The following RNF144A variants were observed in gnomAD, a reference collection of about 807,000 sequenced individuals.
The protein encoded by RNF144A is ring finger protein 144A.
In RNF144A, 11 loss-of-function variants were observed where a neutral mutation model predicts 38.7. That is an observed-to-expected ratio of 0.28 (90% CI 0.18 to 0.47). The LOEUF is 0.47. Ranked by LOEUF, RNF144A falls within the 20% of genes least tolerant of loss-of-function variation. RNF144A has a pLI of 0.99. For missense variants in RNF144A, 316 were observed against 377.2 expected (o/e 0.84, Z 1.34); for synonymous variants, 149 against 143.9 (o/e 1.04, Z -0.25).
intron 7 of RNF144A, among the ~76,000 whole-genome samples, chr2:7,027,009 T>C (rs1671947028): frequency 6.6e-6 from 1 of 152,120 alleles, no homozygotes. Flanking sequence ...CCAAAGACAT[T>C]AACAGTGATT....
rs915633630 is a variant in RNF144A at position 7,021,485 on chromosome 2, C to T, written c.509+805C>T. Among the ~76,000 whole-genome samples the T allele has an allele frequency of 2.0e-5, 3 of 152,216 alleles. No individual in the cohort carries two copies. In the East Asian group the frequency reaches 5.8e-4, roughly 29 times the overall value. ...CTCTCAGGGTCCCTGCCACACACCC[C>T]TGGTCTCCTTCCGGGCGAACCTCTC... On this transcript the variant is annotated intron_variant, in intron 6 of 8. Transcript: ENST00000320892.
At chr2:7,052,919 A>C (rs1319869072) in intron 6 of RNF144A, among the ~76,000 whole-genome samples, 2 of 152,128 alleles carry the variant, frequency 1.3e-5, no homozygotes, top group African/African-American at 2.4e-5. Flanking sequence ...TTCGCTTTAC[A>C]ATATTTATTT....
chr2:7,035,236 T>A (rs562334226), intron 8 of RNF144A, among the ~76,000 whole-genome samples: 1 of 152,318 alleles, frequency 6.6e-6, no homozygotes, highest in South Asian at 2.1e-4. Flanking sequence ...CTCCAGCTCC[T>A]GCTTCTCCCG....
intron 2 of RNF144A, among the ~76,000 whole-genome samples, chr2:6,950,228 A>G (rs929176565): frequency 6.6e-6 from 1 of 152,148 alleles, no homozygotes; most frequent in African/African-American, 2.4e-5. Context: ...TGAGCTACCT[A>G]CTAATCTTTC....
chr2:7,009,800 C>G (rs112589399), intron 3 of RNF144A, among the ~76,000 whole-genome samples: 61 of 152,292 alleles, frequency 4.0e-4, no homozygotes, highest in African/African-American at 1.3e-3. Flanking sequence ...TGCTGAGGAC[C>G]CGGCTTGTAT....
At chr2:7,029,913 T>C (rs1672166211) in intron 7 of RNF144A, among the ~76,000 whole-genome samples, 1 of 152,238 alleles carries the variant, frequency 6.6e-6, no homozygotes, top group Non-Finnish European at 1.5e-5. Flanking sequence ...TGTCCAGGGC[T>C]GCTAGGTGAT....
At chr2:7,044,451 C>G (rs888285229), downstream of RNF144A, among the ~76,000 whole-genome samples, 1 of 152,206 alleles carries the variant, frequency 6.6e-6, no homozygotes, top group Admixed American at 6.5e-5. Flanking sequence ...ACCCGTCCAG[C>G]CATTCCTGGC....
In RNF144A at chr2:6,962,665, A is replaced by G. The variant is rs1045567371; in HGVS notation, c.-12+21518A>G. Among the ~76,000 whole-genome samples the G allele has an allele frequency of 6.6e-6, 1 of 152,212 alleles. No homozygotes were observed. The highest frequency in any genetic ancestry group is 1.5e-5 in the Non-Finnish European group (1 of 68,036). On this transcript the variant is annotated intron_variant, in intron 2 of 8. Transcript: ENST00000320892. The surrounding 1 kb of genome is among the most constrained non-coding windows in gnomAD (Gnocchi z 4.1). ...AATAAGGAAAACTTCTAACACTTAG[A>G]CAAGAAAATTAATAAAACATTAGTT...
intron 7 of RNF144A, among the ~76,000 whole-genome samples, chr2:7,027,504 A>G (rs72783710): frequency 0.028 from 4,202 of 152,332 alleles, 81 homozygotes; most frequent in Middle Eastern, 0.082. Context: ...GAGGAAGGGA[A>G]TCAGCCATCA....
chr2:6,956,853 T>C (rs1667035903), intron 2 of RNF144A, among the ~76,000 whole-genome samples: 2 of 152,228 alleles, frequency 1.3e-5, no homozygotes, highest in Admixed American at 1.3e-4. Context: ...TTATTACTTA[T>C]CTGCAGCAAA....
chr2:6,990,638 A>G (rs1447265412), intron 2 of RNF144A, among the ~76,000 whole-genome samples: 1 of 151,882 alleles, frequency 6.6e-6, no homozygotes, highest in African/African-American at 2.4e-5. Context: ...AAATCTCCAA[A>G]TATAGTCCCA....
chr2:6,935,193 T>C (rs755729080), intron 1 of RNF144A, among the ~76,000 whole-genome samples: 1 of 152,206 alleles, frequency 6.6e-6, no homozygotes, highest in Non-Finnish European at 1.5e-5. Flanking sequence ...CATCTTCATC[T>C]TCCTTCCTGT....
At chr2:7,008,280 C>T (rs1157059000) in intron 3 of RNF144A, among the ~76,000 whole-genome samples, 2 of 152,246 alleles carry the variant, frequency 1.3e-5, no homozygotes, top group Non-Finnish European at 1.5e-5. Flanking sequence ...GTGCAGGCCT[C>T]CTCGGGAACG....
intron 1 of RNF144A, among the ~76,000 whole-genome samples, chr2:6,925,915 A>G (rs2103272522): frequency 6.6e-6 from 1 of 152,236 alleles, no homozygotes; most frequent in South Asian, 2.1e-4. Context: ...TACACACAAC[A>G]CATATATATG....
intron 2 of RNF144A, among the ~76,000 whole-genome samples, chr2:6,967,176 T>C (rs535092845): frequency 6.6e-6 from 1 of 152,330 alleles, no homozygotes; most frequent in Non-Finnish European, 1.5e-5. Context: ...AAGGTTCTTA[T>C]CAGTTCGTAC....
In RNF144A at chr2:7,017,584, GT is replaced by G. The variant is rs1336319849; in HGVS notation, c.301+2816del. 2.0e-5 allele frequency among the ~76,000 whole-genome samples: 3 copies of G among 152,292 alleles called. No homozygotes were observed. In the East Asian group the frequency reaches 5.8e-4, roughly 29 times the overall value. On this transcript the variant is annotated intron_variant, in intron 5 of 8. Coordinates refer to ENST00000320892, the MANE Select transcript of RNF144A (RefSeq NM_014746.6). ...AAAAGGAAAGCCACCTTTTTAAAAAGTTTTATGCATTTTTAAGCAGGGAGTT... is the reference window on the plus strand; with the variant it reads ...AAAAGGAAAGCCACCTTTTTAAAAAGTTTATGCATTTTTAAGCAGGGAGTT...
chr2:6,983,238 G>T (rs1366681941), intron 2 of RNF144A, among the ~76,000 whole-genome samples: 3 of 152,134 alleles, frequency 2.0e-5, no homozygotes, highest in Admixed American at 2.0e-4. Context: ...TGGTAGAAGG[G>T]GAATTTAAAG....
chr2:6,972,698 A>C (rs1213656179), intron 2 of RNF144A, among the ~76,000 whole-genome samples: 2 of 152,088 alleles, frequency 1.3e-5, no homozygotes, highest in East Asian at 3.9e-4. Context: ...GTTGTGTTCC[A>C]CCCTGGGGGT....
chr2:6,942,484 A>G (rs775347308), intron 2 of RNF144A, among the ~76,000 whole-genome samples: 24 of 152,346 alleles, frequency 1.6e-4, no homozygotes, highest in Non-Finnish European at 3.2e-4. Flanking sequence ...CTCTGCAGAT[A>G]GCAGTAGCAG....
Sources: gnomAD v4.1 joint callset for allele counts (sites outside exome capture counted in the v4.1 genomes callset) on GRCh38, gnomAD v4.1.1 for gene constraint, Gnocchi (gnomAD v3.1) non-coding constraint, MANE v1.5 for transcripts, NCBI Gene and HGNC (gene_info 2026-07-23, HGNC 2026-07-21) for gene names.